The following NET1 variants were observed in gnomAD, a reference collection of about 807,000 sequenced individuals.
NET1 encodes neuroepithelial cell-transforming gene 1 protein.
In NET1, 42 loss-of-function variants were observed where a neutral mutation model predicts 61.1. The ratio of observed to expected loss-of-function variants is 0.69; its 90% CI spans 0.54 to 0.89. The LOEUF is 0.89. Among genes scored for constraint, NET1 ranks in the 40% least tolerant of loss-of-function variants. NET1 has a pLI of 0.00. For synonymous variants in NET1, 254 were observed against 281.8 expected, an observed-to-expected ratio of 0.90 and a Z score of 0.99; for missense variants, 654 against 747.3, an observed-to-expected ratio of 0.88 and a Z score of 1.46.
chr10:5,419,303 C>CTTGGTTGGTTGG (rs71294428), intron 1 of NET1, among the ~76,000 whole-genome samples: 2 of 142,426 alleles, frequency 1.4e-5, no homozygotes, highest in East Asian at 2.0e-4. Context: ...ATAGTTGGAT[C>CTTGGTTGGTTGG]TTGGTTGGTT....
Position 5,456,005 on chromosome 10 carries a change from A to C in NET1, c.1198-82A>C. Reference sequence around the variant, plus strand: ...GAAAAATAAATCTGATGAAATTAATAATGTCGAGTTATTTTAGCAATATAT... The same window carrying C: ...GAAAAATAAATCTGATGAAATTAATCATGTCGAGTTATTTTAGCAATATAT... On this transcript the variant is annotated intron_variant, in intron 10 of 11. Transcript: ENST00000355029. The surrounding 1 kb of genome is among the most constrained non-coding windows in gnomAD (Gnocchi z 7.0). The C allele has an allele frequency of 7.8e-7, 1 of 1,284,762 alleles. No homozygotes were observed. Among genetic ancestry groups the C allele is most frequent in the Non-Finnish European group, 1.1e-6 (1 of 933,824 alleles). 79.6% of individuals were successfully genotyped at this position (1,284,762 alleles called of 1,614,324 possible).
In NET1 at chr10:5,439,430, A is replaced by G. The variant is rs1389333768; in HGVS notation, c.255+10201A>G. Among the ~76,000 whole-genome samples, 1 of 152,256 alleles carries G rather than the reference A, an allele frequency of 6.6e-6. No homozygotes were observed. On this transcript the variant is annotated intron_variant, in intron 3 of 11. Coordinates refer to ENST00000355029, the MANE Select transcript of NET1 (RefSeq NM_001047160.3). The surrounding 1 kb of genome is among the most constrained non-coding windows in gnomAD (Gnocchi z 4.8). ...AGTGTAATGTACTAGGTTACATGGC[A>G]GTCTGGGCCATCTGTTCATGTTATA...
rs1258152758 is a variant in NET1 at position 5,423,943 on chromosome 10, A to G, written c.129-2712A>G. On this transcript the variant is annotated intron_variant, in intron 1 of 11. Transcript: ENST00000355029. This position sits in a 1 kb window ranked among gnomAD's most constrained non-coding sequence, Gnocchi z 4.4. ...TAGAATCTTGTTATTGAAGTGGGAA[A>G]AAATAGCATTACTGTAAAGCTGGTT... Among the ~76,000 whole-genome samples the G allele has an allele frequency of 3.3e-5, 5 of 152,190 alleles. No homozygotes were observed.
At chr10:5,419,174 A>C (rs903271947) in intron 1 of NET1, among the ~76,000 whole-genome samples, 2 of 151,996 alleles carry the variant, frequency 1.3e-5, no homozygotes, top group Non-Finnish European at 2.9e-5. Flanking sequence ...ATTTTGTTTG[A>C]TGTTAATATA....
rs929145985 is a variant in NET1, at chr10:5,416,890, C to T, written c.128+4070C>T. 2.0e-5 allele frequency among the ~76,000 whole-genome samples: 3 copies of T among 152,162 alleles called. No individual in the cohort carries two copies. The highest frequency in any genetic ancestry group is 2.9e-5 in the Non-Finnish European group (2 of 68,028). ...TACTCTTAGTTTAGCCATCCGTAGGCGGCTTGTATTCATCAGCTCAGTTAG... is the reference window on the plus strand; with the variant it reads ...TACTCTTAGTTTAGCCATCCGTAGGTGGCTTGTATTCATCAGCTCAGTTAG... On this transcript the variant is annotated intron_variant, in intron 1 of 11. Transcript: ENST00000355029. The surrounding 1 kb of genome is among the most constrained non-coding windows in gnomAD (Gnocchi z 6.1).
rs527750323 is a variant in NET1, at chr10:5,440,129, C to T, written c.255+10900C>T. 6.6e-6 allele frequency among the ~76,000 whole-genome samples: 1 copy of T among 152,348 alleles called. No individual in the cohort carries two copies. Among genetic ancestry groups the T allele is most frequent in the African/African-American group, 2.4e-5 (1 of 41,584 alleles). ...TCCAAAATACTTTCCACTTCCTATT[C>T]ACCAGGTCTTTTTGGTATAATGTTA... On this transcript the variant is annotated intron_variant, in intron 3 of 11. Transcript: ENST00000355029. The surrounding 1 kb of genome is among the most constrained non-coding windows in gnomAD (Gnocchi z 4.1).
In NET1 at chr10:5,455,432, G is replaced by A. The variant is rs762523581; in HGVS notation, c.1197+314G>A. ...AGCATCCTTCAAAAAAAACTTCTAA[G>A]AGTTTATCTTATGCTTATGAAAGTG... On this transcript the variant is annotated intron_variant, in intron 10 of 11. Coordinates refer to ENST00000355029, the MANE Select transcript of NET1 (RefSeq NM_001047160.3). The surrounding 1 kb of genome is among the most constrained non-coding windows in gnomAD (Gnocchi z 6.5). 1.2e-4 allele frequency among the ~76,000 whole-genome samples: 18 copies of A among 152,114 alleles called. No individual in the cohort carries two copies. The highest frequency in any genetic ancestry group is 1.9e-4 in the Non-Finnish European group (13 of 68,010).
chr10:5,451,799 A>G lies in NET1; in HGVS notation c.256-31A>G. 1 of 1,550,542 alleles carries G rather than the reference A, an allele frequency of 6.4e-7. No homozygotes were observed. The highest frequency in any genetic ancestry group is 8.9e-7 in the Non-Finnish European group (1 of 1,124,100). On this transcript the variant is annotated intron_variant, in intron 3 of 11. Transcript: ENST00000355029. The surrounding 1 kb of genome is among the most constrained non-coding windows in gnomAD (Gnocchi z 6.1). ...GTATGAAATCATTGCACCTAGACAT[A>G]TATTTAGTGTCATCTGGTTTGTTTT...
rs1290413756 is a variant in NET1, at chr10:5,457,649, T to C, written c.*655T>C. 1 of 152,614 alleles carries C rather than the reference T, an allele frequency of 6.6e-6. No homozygotes were observed. Among genetic ancestry groups the C allele is most frequent in the Admixed American group, 6.5e-5 (1 of 15,282 alleles). 9.5% of individuals were successfully genotyped at this position (152,614 alleles called of 1,614,324 possible). ...AGCATTTGCTTTTATTTTTTTACTTTGATGCCTTTTCAAATTGGCATGTCT... is the reference window on the plus strand; with the variant it reads ...AGCATTTGCTTTTATTTTTTTACTTCGATGCCTTTTCAAATTGGCATGTCT... On this transcript the variant is annotated 3_prime_UTR_variant, in exon 12 of 12. Coordinates refer to ENST00000355029, the MANE Select transcript of NET1 (RefSeq NM_001047160.3). The surrounding 1 kb of genome is among the most constrained non-coding windows in gnomAD (Gnocchi z 5.4).
intron 3 of NET1, among the ~76,000 whole-genome samples, chr10:5,436,038 C>T (rs748146270): frequency 6.6e-6 from 1 of 150,826 alleles, no homozygotes; most frequent in African/African-American, 2.4e-5. Flanking sequence ...ATTTCTTTAA[C>T]TCTGATAGTT....
intron 3 of NET1, among the ~76,000 whole-genome samples, chr10:5,442,624 G>T (rs1347801462): frequency 1.3e-5 from 2 of 152,170 alleles, no homozygotes; most frequent in Non-Finnish European, 2.9e-5. Flanking sequence ...GCCAGGCAGG[G>T]TGGCTCATAC....
chr10:5,452,421 A>G lies in NET1; in HGVS notation c.427A>G (p.Thr143Ala), dbSNP rs1310025485. ...ASAQKFSSRSTVPTPAKRRSS... is the reference protein window; with the variant it reads ...ASAQKFSSRSAVPTPAKRRSS... ...TGCCCAGAAGTTTTCTAGCAGGTCA[A>G]CAGTCCCAACACCCGCCAAGAGAAG... Residue 143 changes from threonine to alanine, a missense_variant, in exon 5 of 12, where the codon ACA (threonine) becomes GCA (alanine). By Grantham distance (58) the Thr-to-Ala change is moderately conservative (BLOSUM62 0). Transcript: ENST00000355029. The surrounding 1 kb of genome is among the most constrained non-coding windows in gnomAD (Gnocchi z 4.0). The G allele has an allele frequency of 3.7e-6, 6 of 1,613,992 alleles. No individual in the cohort carries two copies. In the Admixed American group the frequency reaches 6.7e-5, roughly 18 times the overall value.
At position 5,457,940 on chromosome 10, in the gene NET1, A is replaced by G. The variant is rs1178602829; in HGVS notation, c.*946A>G. 6.6e-6 allele frequency: 1 copy of G among 152,578 alleles called. No homozygotes were observed. The highest frequency in any genetic ancestry group is 1.5e-5 in the Non-Finnish European group (1 of 68,028). 9.5% of individuals were successfully genotyped at this position (152,578 alleles called of 1,614,324 possible). ...AGTGTTGTCTGAAATGCAAGAGGGAAGGTGATTGGTAGTGAGTTAAAAGAA... is the reference window on the plus strand; with the variant it reads ...AGTGTTGTCTGAAATGCAAGAGGGAGGGTGATTGGTAGTGAGTTAAAAGAA... On this transcript the variant is annotated 3_prime_UTR_variant, in exon 12 of 12. Coordinates refer to ENST00000355029, the MANE Select transcript of NET1 (RefSeq NM_001047160.3). This position sits in a 1 kb window ranked among gnomAD's most constrained non-coding sequence, Gnocchi z 5.4.
chr10:5,420,744 C>T lies in NET1; in HGVS notation c.129-5911C>T, dbSNP rs1170571806. ...CCGAGTAACTGGGATTACAGGCAAG[C>T]GCCACCACGCCCAGCTAATTTTTGT... On this transcript the variant is annotated intron_variant, in intron 1 of 11. Transcript: ENST00000355029. This position sits in a 1 kb window ranked among gnomAD's most constrained non-coding sequence, Gnocchi z 5.3. Among the ~76,000 whole-genome samples, 15 of 152,038 alleles carry T rather than the reference C, an allele frequency of 9.9e-5. No individual in the cohort carries two copies. The highest frequency in any genetic ancestry group is 3.2e-3 in the Middle Eastern group (1 of 316).
Position 5,444,111 on chromosome 10 carries a change from C to T in NET1, c.256-7719C>T, listed in dbSNP as rs1355348992. ...AAGAGTAAAATTAGGAGTCCACAAT[C>T]GCTCAGGTGCTTCTACTTTCATGCT... On this transcript the variant is annotated intron_variant, in intron 3 of 11. Coordinates refer to ENST00000355029, the MANE Select transcript of NET1 (RefSeq NM_001047160.3). The surrounding 1 kb of genome is among the most constrained non-coding windows in gnomAD (Gnocchi z 5.3). Among the ~76,000 whole-genome samples, 4 of 152,296 alleles carry T rather than the reference C, an allele frequency of 2.6e-5. No individual in the cohort carries two copies. Among genetic ancestry groups the T allele is most frequent in the East Asian group, 1.9e-4 (1 of 5,196 alleles).
rs1832484734 is a variant in NET1 at position 5,439,113 on chromosome 10, G to C, written c.255+9884G>C. The stretch of plus-strand genomic sequence containing the variant: ...CAATCTTGGTTCCTTCCAAGCTCCT[G>C]ACCAATCAGCCAACCCATTTGCCAC... On this transcript the variant is annotated intron_variant, in intron 3 of 11. Transcript: ENST00000355029. The surrounding 1 kb of genome is among the most constrained non-coding windows in gnomAD (Gnocchi z 4.8). Among the ~76,000 whole-genome samples the C allele has an allele frequency of 6.6e-6, 1 of 152,152 alleles. No homozygotes were observed. Among genetic ancestry groups the C allele is most frequent in the South Asian group, 2.1e-4 (1 of 4,818 alleles).
In NET1 at chr10:5,454,800, A is replaced by G; in HGVS notation, c.1027-148A>G. ...TGGCTAGGACTGTTTCTTGATCTAT[A>G]AAATGAACAGACTGGCAGAATTAAC... On this transcript the variant is annotated intron_variant, in intron 9 of 11. Coordinates refer to ENST00000355029, the MANE Select transcript of NET1 (RefSeq NM_001047160.3). This position sits in a 1 kb window ranked among gnomAD's most constrained non-coding sequence, Gnocchi z 8.1. The G allele has an allele frequency of 1.3e-6, 1 of 799,580 alleles. No homozygotes were observed. The highest frequency in any genetic ancestry group is 2.0e-6 in the Non-Finnish European group (1 of 512,784). 49.5% of individuals were successfully genotyped at this position (799,580 alleles called of 1,614,324 possible).
Position 5,431,769 on chromosome 10 carries a change from T to A in NET1, c.255+2540T>A, listed in dbSNP as rs1223065282. Among the ~76,000 whole-genome samples the A allele has an allele frequency of 2.0e-5, 3 of 152,196 alleles. No homozygotes were observed. Among genetic ancestry groups the A allele is most frequent in the Non-Finnish European group, 2.9e-5 (2 of 68,030 alleles). On this transcript the variant is annotated intron_variant, in intron 3 of 11. Transcript: ENST00000355029. This position sits in a 1 kb window ranked among gnomAD's most constrained non-coding sequence, Gnocchi z 4.9. Reference sequence around the variant, plus strand: ...TGTTTTACATGGATTCAGTTTTTTTTAAATTTTGTTTTGTAGAAAAGACAG... The same window carrying A: ...TGTTTTACATGGATTCAGTTTTTTTAAAATTTTGTTTTGTAGAAAAGACAG...
At chr10:5,448,791 A>T (rs1468886783) in intron 3 of NET1, among the ~76,000 whole-genome samples, 1 of 151,214 alleles carries the variant, frequency 6.6e-6, no homozygotes, top group African/African-American at 2.4e-5. Flanking sequence ...CAATCCTAGC[A>T]GTGGAACTAT....
Sources: gnomAD v4.1 joint callset for allele counts (sites outside exome capture counted in the v4.1 genomes callset) on GRCh38, gnomAD v4.1.1 for gene constraint, Gnocchi (gnomAD v3.1) non-coding constraint, MANE v1.5 for transcripts, NCBI Gene and HGNC (gene_info 2026-07-23, HGNC 2026-07-21) for gene names.